PTPRN2: variants seen among roughly 807,000 people sequenced by gnomAD.
The protein encoded by PTPRN2 is protein tyrosine phosphatase receptor type N2.
In PTPRN2, 74 loss-of-function variants were observed where a neutral mutation model predicts 118.8. The ratio of observed to expected loss-of-function variants is 0.62; its 90% CI spans 0.52 to 0.76. The LOEUF is 0.76. PTPRN2 is among the 30% of genes least tolerant of loss of function. The probability of loss-of-function intolerance (pLI) is 0.00; values close to 1 mark genes in which losing one functional copy is unlikely to be tolerated. For missense variants in PTPRN2, 1,481 were observed against 1,394.4 expected (o/e 1.06, Z -0.99); for synonymous variants, 641 against 608.0 (o/e 1.05, Z -0.80).
intron 11 of PTPRN2, among the ~76,000 whole-genome samples, chr7:158,061,022 A>G (rs1378154898): frequency 1.3e-5 from 2 of 152,232 alleles, no homozygotes; most frequent in East Asian, 3.9e-4. Flanking sequence ...ACCTTCCACA[A>G]TATGGAATAA....
intron 2 of PTPRN2, among the ~76,000 whole-genome samples, chr7:158,467,008 G>C (rs966768389): frequency 1.3e-5 from 2 of 152,180 alleles, no homozygotes; most frequent in African/African-American, 4.8e-5. Context: ...GCCACTGTAG[G>C]ACAGAGCGAG....
At chr7:158,541,408 A>C in intron 1 of PTPRN2, 1 of 1,170,016 alleles carries the variant, frequency 8.5e-7, no homozygotes, top group African/African-American at 1.7e-5. Flanking sequence ...CAAAGCAAGC[A>C]TTATTCCACC....
intron 3 of PTPRN2, among the ~76,000 whole-genome samples, chr7:158,255,808 G>A (rs1241253446): frequency 1.3e-5 from 2 of 150,276 alleles, no homozygotes. Context: ...AGGCCAATGG[G>A]CCCTCCTGTC....
chr7:157,809,601 G>A lies in PTPRN2; in HGVS notation c.1788+89072C>T, dbSNP rs73746632. On this transcript the variant is annotated intron_variant, in intron 12 of 22. Coordinates refer to ENST00000389418, the MANE Select transcript of PTPRN2 (RefSeq NM_002847.5). ...GATGAGGCCCTTATCCAGTACGGCC[G>A]GCATCCTTCTAAGAAGAGACAGCAC... Among the ~76,000 whole-genome samples the A allele has an allele frequency of 3.3e-3, 501 of 152,236 alleles. 5 individuals are homozygous for A. Among genetic ancestry groups the A allele is most frequent in the African/African-American group, 0.011 (466 of 41,526 alleles).
chr7:158,282,854 C>A (rs911013388), intron 3 of PTPRN2, among the ~76,000 whole-genome samples: 11 of 152,052 alleles, frequency 7.2e-5, no homozygotes, highest in African/African-American at 2.7e-4. Context: ...GCTTGTCCCT[C>A]CCTGTGCTCC....
At chr7:158,374,207 G>A (rs1563215577) in intron 2 of PTPRN2, among the ~76,000 whole-genome samples, 1 of 152,192 alleles carries the variant, frequency 6.6e-6, no homozygotes, top group East Asian at 1.9e-4. Flanking sequence ...CAGCAGTGAA[G>A]GGGAAGAGCT....
chr7:157,620,342 G>A (rs1031639648), intron 15 of PTPRN2, among the ~76,000 whole-genome samples: 4 of 152,138 alleles, frequency 2.6e-5, no homozygotes, highest in African/African-American at 7.2e-5. Context: ...GTGGGAACAC[G>A]AGGCGGTGTC....
intron 9 of PTPRN2, among the ~76,000 whole-genome samples, chr7:158,130,297 T>C (rs192787029): frequency 6.6e-6 from 1 of 152,250 alleles, no homozygotes; most frequent in Non-Finnish European, 1.5e-5. Flanking sequence ...AGGTACTTCT[T>C]CACCAAGGAA....
At chr7:158,444,998 C>T (rs938355207) in intron 2 of PTPRN2, among the ~76,000 whole-genome samples, 2 of 152,248 alleles carry the variant, frequency 1.3e-5, no homozygotes, top group African/African-American at 4.8e-5. Flanking sequence ...AAGCCCACCA[C>T]AGCGTGTGGA....
rs1800527507 is a variant in PTPRN2, at chr7:157,583,959, C to G, written c.2497-5819G>C. ...ACTCTTAAAATAAGCTCTCCTGAAG[C>G]CCCACAGAGACCTGATTTAAGGGAA... On this transcript the variant is annotated intron_variant, in intron 17 of 22. Coordinates refer to ENST00000389418, the MANE Select transcript of PTPRN2 (RefSeq NM_002847.5). This position sits in a 1 kb window ranked among gnomAD's most constrained non-coding sequence, Gnocchi z 5.5. Among the ~76,000 whole-genome samples the G allele has an allele frequency of 6.6e-6, 1 of 150,470 alleles. No individual in the cohort carries two copies. Among genetic ancestry groups the G allele is most frequent in the African/African-American group, 2.5e-5 (1 of 40,768 alleles).
At chr7:158,034,625 T>C (rs1807966604) in intron 11 of PTPRN2, among the ~76,000 whole-genome samples, 1 of 152,162 alleles carries the variant, frequency 6.6e-6, no homozygotes, top group Admixed American at 6.5e-5. Context: ...GTCTCAGATA[T>C]GTCTTTATCA....
At chr7:158,063,913 C>T (rs539665053) in intron 11 of PTPRN2, among the ~76,000 whole-genome samples, 106 of 152,328 alleles carry the variant, frequency 7.0e-4, no homozygotes, top group Non-Finnish European at 1.1e-3. Flanking sequence ...CCATTCTACA[C>T]ACTTACACAC....
At chr7:157,605,025 G>C (rs548768528) in intron 15 of PTPRN2, among the ~76,000 whole-genome samples, 2 of 152,380 alleles carry the variant, frequency 1.3e-5, no homozygotes, top group Admixed American at 1.3e-4. Flanking sequence ...GGATCTTTGG[G>C]GTGGTGTTTT....
intron 2 of PTPRN2, among the ~76,000 whole-genome samples, chr7:158,434,188 T>C (rs1036024477): frequency 6.6e-6 from 1 of 152,246 alleles, no homozygotes; most frequent in African/African-American, 2.4e-5. Context: ...AGTTGCAGTG[T>C]GTCCATTAGA....
chr7:158,356,268 C>G (rs923172077), intron 2 of PTPRN2, among the ~76,000 whole-genome samples: 6 of 152,220 alleles, frequency 3.9e-5, no homozygotes, highest in Admixed American at 3.3e-4. Flanking sequence ...TTCCCTTTGT[C>G]TAACCTACTA....
At chr7:158,361,378 C>G in intron 2 of PTPRN2, among the ~76,000 whole-genome samples, 1 of 151,392 alleles carries the variant, frequency 6.6e-6, no homozygotes, top group Non-Finnish European at 1.5e-5. Context: ...GACCCACAGA[C>G]GCCATGTCCA....
intron 2 of PTPRN2, among the ~76,000 whole-genome samples, chr7:158,483,429 G>A (rs1280314522): frequency 6.6e-6 from 1 of 152,088 alleles, no homozygotes; most frequent in East Asian, 1.9e-4. Context: ...ATCCAAATAG[G>A]GTTAATCACA....
intron 22 of PTPRN2, among the ~76,000 whole-genome samples, chr7:157,547,205 C>T (rs972440640): frequency 6.6e-6 from 1 of 152,204 alleles, no homozygotes; most frequent in East Asian, 1.9e-4. Flanking sequence ...AGGTGGCTCT[C>T]GCTGACCATT....
intron 2 of PTPRN2, among the ~76,000 whole-genome samples, chr7:158,331,882 A>T (rs1276607595): frequency 6.7e-6 from 1 of 149,342 alleles, no homozygotes. Flanking sequence ...ACACCCGCAG[A>T]CGTCACTCAC....
Sources: gnomAD v4.1 joint callset for allele counts (sites outside exome capture counted in the v4.1 genomes callset) on GRCh38, gnomAD v4.1.1 for gene constraint, Gnocchi (gnomAD v3.1) non-coding constraint, MANE v1.5 for transcripts, NCBI Gene and HGNC (gene_info 2026-07-23, HGNC 2026-07-21) for gene names.